FBXO34: variants seen among roughly 807,000 people sequenced by gnomAD.
FBXO34 encodes F-box protein 34.
A neutral mutation model predicts 24.5 loss-of-function variants in FBXO34; 12 were observed. The observed-to-expected ratio is 0.49, with a 90% CI of 0.31 to 0.79. FBXO34 has a LOEUF of 0.79. FBXO34 is among the 30% of genes least tolerant of loss of function. The pLI is 0.04. For synonymous variants in FBXO34, 320 were observed against 311.9 expected (o/e 1.03, Z -0.27); for missense variants, 823 against 857.7 (o/e 0.96, Z 0.51).
At chr14:55,287,970 T>C (rs1881818549) in intron 1 of FBXO34, among the ~76,000 whole-genome samples, 1 of 152,176 alleles carries the variant, frequency 6.6e-6, no homozygotes, top group African/African-American at 2.4e-5. Context: ...TCACATGAGG[T>C]TGGGTGTGGA....
At chr14:55,276,307 G>A (rs1881340494) in intron 1 of FBXO34, among the ~76,000 whole-genome samples, 1 of 152,150 alleles carries the variant, frequency 6.6e-6, no homozygotes, top group East Asian at 1.9e-4. Context: ...AGAATTGTTT[G>A]TACATTGCAT....
the FBXO34 span, among the ~76,000 whole-genome samples, chr14:55,442,261 C>T: frequency 3.8e-4 from 57 of 151,164 alleles, 1 homozygote; most frequent in South Asian, 2.1e-4. Flanking sequence ...TGGTAGTGTG[C>T]GCCTGTAATC....
At chr14:55,366,720 ATTAC>A (rs1000930624), downstream of FBXO34, 51 of 152,706 alleles carry the variant, frequency 3.3e-4, no homozygotes, top group African/African-American at 1.2e-3. Context: ...TTTTATTAGT[ATTAC>A]TTTGTTTCAG....
At chr14:55,413,879 C>T in the FBXO34 span, 1 of 444,930 alleles carries the variant, frequency 2.2e-6, no homozygotes, top group African/African-American at 2.0e-5. Flanking sequence ...ACTCTTCCAG[C>T]TTTGCTGTGG....
chr14:55,320,351 G>A (rs1259052732), intron 1 of FBXO34, among the ~76,000 whole-genome samples: 1 of 152,186 alleles, frequency 6.6e-6, no homozygotes. Flanking sequence ...CAGCCTAGAT[G>A]GGAAAGTGGT....
the FBXO34 span, chr14:55,377,952 G>A: frequency 1.3e-6 from 2 of 1,591,866 alleles, no homozygotes. Flanking sequence ...ATTTAACAAA[G>A]TAAAAATTAG....
intron 1 of FBXO34, among the ~76,000 whole-genome samples, chr14:55,294,507 C>T (rs1882054973): frequency 6.6e-6 from 1 of 152,090 alleles, no homozygotes; most frequent in East Asian, 1.9e-4. Context: ...CCTGCCTTGG[C>T]CTCCCAGAGT....
At chr14:55,294,013 A>G (rs1328057747) in intron 1 of FBXO34, among the ~76,000 whole-genome samples, 2 of 152,254 alleles carry the variant, frequency 1.3e-5, no homozygotes, top group African/African-American at 4.8e-5. Context: ...CTAGAACGCT[A>G]TTCCTTAGAT....
chr14:55,380,383 C>T, the FBXO34 span, among the ~76,000 whole-genome samples: 1 of 152,136 alleles, frequency 6.6e-6, no homozygotes, highest in African/African-American at 2.4e-5. Flanking sequence ...GAAGACTTCA[C>T]GTACAACTGT....
the FBXO34 span, among the ~76,000 whole-genome samples, chr14:55,409,305 G>C: frequency 5.3e-5 from 8 of 152,186 alleles, no homozygotes; most frequent in Non-Finnish European, 1.2e-4. Context: ...AAGAGGGACA[G>C]AGTCAGTTCA....
the FBXO34 span, chr14:55,380,555 C>A: frequency 2.0e-6 from 3 of 1,488,590 alleles, no homozygotes; most frequent in South Asian, 1.2e-5. Context: ...GATGACATTA[C>A]CACCTTCAAT....
the FBXO34 span, among the ~76,000 whole-genome samples, chr14:55,442,075 T>G: frequency 3.3e-5 from 5 of 151,406 alleles, no homozygotes; most frequent in Non-Finnish European, 7.4e-5. Flanking sequence ...TAATTGACAC[T>G]TTTTATGTAA....
chr14:55,422,487 A>G, the FBXO34 span, among the ~76,000 whole-genome samples: 1,313 of 152,030 alleles, frequency 8.6e-3, 17 homozygotes, highest in African/African-American at 0.03. Flanking sequence ...CTGACCTCAT[A>G]ATTCGCCTGC....
the FBXO34 span, among the ~76,000 whole-genome samples, chr14:55,387,483 T>G: frequency 6.6e-6 from 1 of 152,142 alleles, no homozygotes; most frequent in East Asian, 1.9e-4. Flanking sequence ...CCTATGGTAA[T>G]GTGTTCAGAC....
intron 1 of FBXO34, among the ~76,000 whole-genome samples, chr14:55,284,978 T>C (rs1273809217): frequency 6.7e-6 from 1 of 149,892 alleles, no homozygotes; most frequent in Non-Finnish European, 1.5e-5. Flanking sequence ...ATGTTTATCT[T>C]GCTTTTAATT....
chr14:55,301,871 C>G (rs923272166), intron 1 of FBXO34, among the ~76,000 whole-genome samples: 4 of 152,200 alleles, frequency 2.6e-5, no homozygotes, highest in African/African-American at 7.2e-5. Context: ...CCACAGTCTA[C>G]TTTTTCTTGG....
the FBXO34 span, among the ~76,000 whole-genome samples, chr14:55,430,398 TAAAAAAAAA>T: frequency 1.5e-3 from 182 of 119,802 alleles, no homozygotes; most frequent in Non-Finnish European, 2.4e-3. Flanking sequence ...TCACCCACTT[TAAAAAAAAA>T]AAAAAAAAAA....
chr14:55,408,739 C>T, the FBXO34 span, among the ~76,000 whole-genome samples: 1 of 152,064 alleles, frequency 6.6e-6, no homozygotes, highest in Non-Finnish European at 1.5e-5. Context: ...CCAGTGCACT[C>T]CAGCCTCGGT....
intron 1 of FBXO34, among the ~76,000 whole-genome samples, chr14:55,347,393 A>G (rs1417708216): frequency 1.3e-5 from 2 of 152,170 alleles, no homozygotes; most frequent in East Asian, 3.8e-4. Context: ...ACTGGTTTCA[A>G]ACAAAACTTA....
Sources: allele counts gnomAD v4.1 joint callset (sites outside exome capture counted in the v4.1 genomes callset), GRCh38; gene constraint gnomAD v4.1.1; transcripts MANE v1.5; gene names NCBI Gene and HGNC (gene_info 2026-07-23, HGNC 2026-07-21).